Variants in NRG1 observed in about 807,000 individuals in gnomAD.
NRG1 encodes pro-neuregulin-1, membrane-bound isoform.
In NRG1, 18 loss-of-function variants were observed where a neutral mutation model predicts 63.8. That is an observed-to-expected ratio of 0.28 (90% CI 0.19 to 0.42). The LOEUF is 0.42. Among genes scored for constraint, NRG1 ranks in the 10% least tolerant of loss-of-function variants. The pLI, the probability that NRG1 is intolerant of heterozygous loss-of-function variation, is 1.00. For missense variants in NRG1, 762 were observed against 814.7 expected (o/e 0.94, Z 0.79); for synonymous variants, 302 against 301.3 (o/e 1.00, Z -0.02).
chr8:32,395,143 T>TACTA (rs1266749112), intron 1 of NRG1, among the ~76,000 whole-genome samples: 1 of 152,182 alleles, frequency 6.6e-6, no homozygotes, highest in Non-Finnish European at 1.5e-5. Context: ...ATATACAAAG[T>TACTA]ACTATGTGGA....
intron 1 of NRG1, among the ~76,000 whole-genome samples, chr8:32,533,440 A>C (rs1209854218): frequency 6.6e-6 from 1 of 152,090 alleles, no homozygotes; most frequent in Non-Finnish European, 1.5e-5. Flanking sequence ...AGATTAATTT[A>C]TTTTAGTCAA....
intron 1 of NRG1, among the ~76,000 whole-genome samples, chr8:31,983,897 A>C (rs1809595881): frequency 6.6e-6 from 1 of 152,090 alleles, no homozygotes; most frequent in African/African-American, 2.4e-5. Flanking sequence ...GAAATTGTCC[A>C]TGAAAAAGGA....
intron 2 of NRG1, among the ~76,000 whole-genome samples, chr8:32,598,372 T>A (rs200878523): frequency 7.1e-6 from 1 of 140,612 alleles, no homozygotes; most frequent in East Asian, 2.0e-4. Context: ...TGAATTTTTT[T>A]AAAAAAGTGA....
chr8:31,872,765 A>T lies in NRG1; in HGVS notation c.37+233334A>T, dbSNP rs1012481904. Among the ~76,000 whole-genome samples the T allele has an allele frequency of 9.2e-5, 14 of 152,212 alleles. 1 individual carries two copies. Among genetic ancestry groups the T allele is most frequent in the African/African-American group, 2.9e-4 (12 of 41,456 alleles). ...CATAATTATAGATCATCCATTCAAAACATTTTGAAAACAGTGCTATGTAAA... is the reference window on the plus strand; with the variant it reads ...CATAATTATAGATCATCCATTCAAATCATTTTGAAAACAGTGCTATGTAAA... On this transcript the variant is annotated intron_variant, in intron 1 of 10. Transcript: ENST00000519301.
intron 2 of NRG1, among the ~76,000 whole-genome samples, chr8:32,603,469 G>A (rs1186291948): frequency 4.6e-5 from 7 of 151,874 alleles, no homozygotes; most frequent in African/African-American, 2.4e-5. Flanking sequence ...CCCGACTAGC[G>A]CAGTTAACTT....
At chr8:32,728,186 T>C in intron 6 of NRG1, 108 bp downstream of exon 6, 1 of 1,551,240 alleles carries the variant, frequency 6.4e-7, no homozygotes, top group Non-Finnish European at 8.7e-7. Flanking sequence ...TTGCATCATG[T>C]TGAATAATGC....
At chr8:32,313,097 G>A (rs1857007473) in intron 1 of NRG1, among the ~76,000 whole-genome samples, 1 of 152,230 alleles carries the variant, frequency 6.6e-6, no homozygotes, top group Non-Finnish European at 1.5e-5. Flanking sequence ...AGAGGTTTCA[G>A]TGAGCTGAGA....
At chr8:32,223,792 G>C (rs776522263) in intron 1 of NRG1, among the ~76,000 whole-genome samples, 1 of 152,144 alleles carries the variant, frequency 6.6e-6, no homozygotes, top group Non-Finnish European at 1.5e-5. Flanking sequence ...GAAGGGAAGG[G>C]AGGCCCGTAG....
rs185038603 is a variant in NRG1 at position 31,706,596 on chromosome 8, T to C, written c.37+67165T>C. 7.0e-4 allele frequency among the ~76,000 whole-genome samples: 107 copies of C among 152,350 alleles called. 2 individuals carry two copies. Among genetic ancestry groups the C allele is most frequent in the Admixed American group, 6.7e-3 (102 of 15,304 alleles). The stretch of plus-strand genomic sequence containing the variant: ...ATTGCTAGGTTAGAGTACAAGTTTA[T>C]GAATGTTGATCAGCATTGTCAAATT... On this transcript the variant is annotated intron_variant, in intron 1 of 10. Coordinates refer to the NRG1 transcript ENST00000519301.
intron 1 of NRG1, among the ~76,000 whole-genome samples, chr8:31,774,523 G>C (rs910948471): frequency 2.0e-5 from 3 of 152,120 alleles, no homozygotes; most frequent in Non-Finnish European, 4.4e-5. Context: ...AGAGAATAGA[G>C]GTATCTGGCA....
intron 3 of NRG1, among the ~76,000 whole-genome samples, chr8:32,613,822 C>T (rs761402392): frequency 5.3e-5 from 8 of 151,974 alleles, no homozygotes; most frequent in Admixed American, 1.3e-4. Context: ...TGGAATTAGA[C>T]AGTGTAACTA....
chr8:31,651,499 A>G (rs1332387305), intron 1 of NRG1, among the ~76,000 whole-genome samples: 1 of 152,202 alleles, frequency 6.6e-6, no homozygotes, highest in Non-Finnish European at 1.5e-5. Flanking sequence ...GTCAGCACAG[A>G]GAGTGTGGAG....
intron 1 of NRG1, among the ~76,000 whole-genome samples, chr8:32,089,897 C>G (rs973868294): frequency 2.0e-5 from 3 of 152,180 alleles, no homozygotes; most frequent in African/African-American, 7.2e-5. Flanking sequence ...CATTTTCTGT[C>G]ATATGTGTTC....
chr8:32,617,714 T>C (rs1041103934), intron 5 of NRG1, among the ~76,000 whole-genome samples: 5 of 152,306 alleles, frequency 3.3e-5, no homozygotes, highest in African/African-American at 1.2e-4. Flanking sequence ...AAATAGATGT[T>C]CCTAGTTATT....
At chr8:32,599,731 A>AAT (rs1563740116) in intron 2 of NRG1, among the ~76,000 whole-genome samples, 1 of 152,216 alleles carries the variant, frequency 6.6e-6, no homozygotes, top group East Asian at 1.9e-4. Flanking sequence ...ATATGTAAGG[A>AAT]CTGGCAGATT....
intron 1 of NRG1, among the ~76,000 whole-genome samples, chr8:31,728,717 T>C (rs1176397498): frequency 6.6e-6 from 1 of 152,194 alleles, no homozygotes; most frequent in Non-Finnish European, 1.5e-5. Flanking sequence ...TCATGGACTT[T>C]AAGGTTGCTC....
intron 1 of NRG1, among the ~76,000 whole-genome samples, chr8:31,938,946 G>C (rs1801349028): frequency 6.6e-6 from 1 of 152,168 alleles, no homozygotes; most frequent in African/African-American, 2.4e-5. Context: ...AATAACTAGT[G>C]TTCCCGAGGA....
intron 3 of NRG1, among the ~76,000 whole-genome samples, chr8:32,609,900 A>G (rs1846067222): frequency 6.6e-6 from 1 of 150,438 alleles, no homozygotes; most frequent in African/African-American, 2.4e-5. Context: ...CTAACTCCTG[A>G]CCTCAAATGA....
chr8:31,855,688 A>G (rs1220957756), intron 1 of NRG1, among the ~76,000 whole-genome samples: 5 of 152,096 alleles, frequency 3.3e-5, no homozygotes, highest in Admixed American at 1.3e-4. Flanking sequence ...TCCTTAGTTG[A>G]TGCAGTTTCT....
Sources: gnomAD v4.1 joint callset for allele counts (sites outside exome capture counted in the v4.1 genomes callset) on GRCh38, gnomAD v4.1.1 for gene constraint, MANE v1.5 for transcripts, NCBI Gene and HGNC (gene_info 2026-07-23, HGNC 2026-07-21) for gene names.